The following HCN4 variants were observed in gnomAD, a reference collection of about 807,000 sequenced individuals.
The protein encoded by HCN4 is potassium/sodium hyperpolarization-activated cyclic nucleotide-gated channel 4.
Under a neutral mutation model 76.9 loss-of-function variants are expected in HCN4, and 29 were observed. That is an observed-to-expected ratio of 0.38 (90% CI 0.28 to 0.51). The LOEUF (loss-of-function observed/expected upper bound fraction) is 0.51. HCN4 is among the 20% of genes least tolerant of loss of function. The pLI is 0.90. For synonymous variants in HCN4, 772 were observed against 762.5 expected (o/e 1.01, Z -0.21); for missense variants, 1,416 against 1,715.2 (o/e 0.83, Z 3.08).
intron 1 of HCN4, among the ~76,000 whole-genome samples, chr15:73,362,425 C>T (rs760936295): frequency 5.9e-5 from 9 of 152,224 alleles, no homozygotes; most frequent in Non-Finnish European, 1.0e-4. Context: ...AATCTTTGGG[C>T]GCTTAATGAG....
At chr15:73,341,672 AAGAGGGCT>A (rs1388038257) in intron 2 of HCN4, among the ~76,000 whole-genome samples, 4 of 152,222 alleles carry the variant, frequency 2.6e-5, no homozygotes, top group Non-Finnish European at 4.4e-5. Flanking sequence ...GCTGGGGGCC[AAGAGGGCT>A]AGCTGGATTC....
chr15:73,329,831 G>A lies in HCN4; in HGVS notation c.1372-40C>T, dbSNP rs201568266. 5.0e-5 allele frequency: 78 copies of A among 1,546,818 alleles called. No homozygotes were observed. The Admixed American group carries it at 1.1e-3, about 22-fold the overall frequency. ...ATGGGTGGGGACAGTGGATGAGAGG[G>A]AAGGCCCTTCTCACTAGCAAGAAAA... On this transcript the variant is annotated intron_variant, in intron 3 of 7. Transcript: ENST00000261917.
rs898898003 is a variant in HCN4, at chr15:73,367,067, C to T, written c.785+419G>A. 5.3e-5 allele frequency among the ~76,000 whole-genome samples: 8 copies of T among 152,182 alleles called. No individual in the cohort carries two copies. The highest frequency in any genetic ancestry group is 7.3e-5 in the Non-Finnish European group (5 of 68,040). On this transcript the variant is annotated intron_variant, in intron 1 of 7. Transcript: ENST00000261917. This position sits in a 1 kb window ranked among gnomAD's most constrained non-coding sequence, Gnocchi z 7.5. ...GCTGTCAGCACCCAAGGAGCTGGCC[C>T]GTTGCTAAGAGGTCTGTCTCTCTTC...
rs481579 is a variant in HCN4, at chr15:73,324,294, T to C, written c.1979-41A>G. The C allele has an allele frequency of 0.9, 1,454,347 of 1,607,054 alleles. 664,348 individuals carry two copies. Among genetic ancestry groups the C allele is most frequent in the Non-Finnish European group, 0.94 (1,101,109 of 1,176,914 alleles). On this transcript the variant is annotated intron_variant, in intron 6 of 7. Coordinates refer to ENST00000261917, the MANE Select transcript of HCN4 (RefSeq NM_005477.3). The stretch of plus-strand genomic sequence containing the variant: ...GACTCAGGATGAGGCATGCACAGCC[T>C]GCCCAGGCCAGGGGGACTGCCCACC...
At chr15:73,365,513 T>C (rs2043124334) in intron 1 of HCN4, among the ~76,000 whole-genome samples, 1 of 152,082 alleles carries the variant, frequency 6.6e-6, no homozygotes, top group African/African-American at 2.4e-5. Flanking sequence ...CAGCCTGCAG[T>C]TAGTGGGAGA....
intron 3 of HCN4, among the ~76,000 whole-genome samples, chr15:73,331,696 C>T (rs372016662): frequency 1.4e-4 from 22 of 152,272 alleles, no homozygotes; most frequent in South Asian, 6.2e-4. Flanking sequence ...CCCCCTGCCT[C>T]GGCCTCCTAA....
At position 73,343,258 on chromosome 15, in the gene HCN4, C is replaced by T. The variant is rs938473530; in HGVS notation, c.1209+127G>A. The T allele has an allele frequency of 9.3e-6, 8 of 861,120 alleles. No homozygotes were observed. The African/African-American group carries it at 1.3e-4, about 14-fold the overall frequency. The allele number at this position is 861,120 out of a possible 1,614,324, so 53.3% of individuals were successfully genotyped here. On this transcript the variant is annotated intron_variant, in intron 2 of 7. Coordinates refer to ENST00000261917, the MANE Select transcript of HCN4 (RefSeq NM_005477.3). This position sits in a 1 kb window ranked among gnomAD's most constrained non-coding sequence, Gnocchi z 5.7. ...GGTCAAGAACTTACTAGTATTTGTC[C>T]TCTTGGAGCAGGTGTGCCTGCCACA...
chr15:73,351,504 T>C (rs1360624032), intron 1 of HCN4, among the ~76,000 whole-genome samples: 4 of 152,150 alleles, frequency 2.6e-5, no homozygotes, highest in Non-Finnish European at 5.9e-5. Context: ...TCCAAAAGTA[T>C]ATCCCAGAAA....
chr15:73,352,085 G>C (rs1567791870), intron 1 of HCN4, among the ~76,000 whole-genome samples: 1 of 152,226 alleles, frequency 6.6e-6, no homozygotes, highest in Admixed American at 6.5e-5. Context: ...TACTTATCAT[G>C]TTATAAGAAA....
At chr15:73,366,975 G>GTGACT (rs1480056907) in intron 1 of HCN4, among the ~76,000 whole-genome samples, 2 of 152,224 alleles carry the variant, frequency 1.3e-5, no homozygotes, top group African/African-American at 4.8e-5. Context: ...TGAGGCCCCA[G>GTGACT]TGACTTCGGT....
At chr15:73,344,722 G>A (rs2043022483) in intron 1 of HCN4, among the ~76,000 whole-genome samples, 1 of 152,166 alleles carries the variant, frequency 6.6e-6, no homozygotes, top group South Asian at 2.1e-4. Flanking sequence ...GAGAAGTTGA[G>A]CAGCATGAGG....
chr15:73,348,138 C>T (rs910381500), intron 1 of HCN4, among the ~76,000 whole-genome samples: 1 of 152,196 alleles, frequency 6.6e-6, no homozygotes, highest in African/African-American at 2.4e-5. Flanking sequence ...TTCATAGCCT[C>T]AAGGGAGCTG....
At chr15:73,361,699 G>T (rs1344514003) in intron 1 of HCN4, among the ~76,000 whole-genome samples, 1 of 152,204 alleles carries the variant, frequency 6.6e-6, no homozygotes, top group Admixed American at 6.5e-5. Context: ...TATGACACTT[G>T]TCAGCCCCAT....
Position 73,321,847 on chromosome 15 carries a change from G to A in HCN4, c.*634C>T, listed in dbSNP as rs138059941. 3.2e-3 allele frequency: 508 copies of A among 156,908 alleles called. 1 individual carries two copies. The highest frequency in any genetic ancestry group is 0.014 in the South Asian group (69 of 5,068). The allele number at this position is 156,908 out of a possible 1,614,324, so 9.7% of individuals were successfully genotyped here. On this transcript the variant is annotated 3_prime_UTR_variant, in exon 8 of 8. Coordinates refer to ENST00000261917, the MANE Select transcript of HCN4 (RefSeq NM_005477.3). ...CATGGGATTAAACTAGACCGCACAC[G>A]TGTGCGCACATGTGAGTGGCTATCT...
In HCN4 at chr15:73,341,738, C is replaced by T. The variant is rs759279792; in HGVS notation, c.1209+1647G>A. Among the ~76,000 whole-genome samples, 8 of 152,214 alleles carry T rather than the reference C, an allele frequency of 5.3e-5. No homozygotes were observed. In the South Asian group the frequency reaches 8.3e-4, roughly 16 times the overall value. On this transcript the variant is annotated intron_variant, in intron 2 of 7. Coordinates refer to ENST00000261917, the MANE Select transcript of HCN4 (RefSeq NM_005477.3). Reference sequence around the variant, plus strand: ...TAACTGCATGACCTTGGGAGAGTCACGGCCCCTCTCTGTCAGCATAAGTAA... The same window carrying T: ...TAACTGCATGACCTTGGGAGAGTCATGGCCCCTCTCTGTCAGCATAAGTAA...
intron 1 of HCN4, among the ~76,000 whole-genome samples, chr15:73,348,407 C>G (rs369944294): frequency 1.3e-5 from 2 of 152,228 alleles, no homozygotes; most frequent in African/African-American, 2.4e-5. Context: ...CGTGCACACA[C>G]GCACACACAC....
Position 73,322,348 on chromosome 15 carries a change from CTTT to C in HCN4, c.*130_*132del. On this transcript the variant is annotated 3_prime_UTR_variant, in exon 8 of 8. Coordinates refer to ENST00000261917, the MANE Select transcript of HCN4 (RefSeq NM_005477.3). ...AGAATACCTGGTTATTTTCTGCTGTCTTTTGTTTTTCTGGTGTGTGTGGTTTTT... is the reference window on the plus strand; with the variant it reads ...AGAATACCTGGTTATTTTCTGCTGTCTGTTTTTCTGGTGTGTGTGGTTTTT... 3.7e-6 allele frequency: 3 copies of C among 802,408 alleles called. No homozygotes were observed. 49.7% of individuals were successfully genotyped at this position (802,408 alleles called of 1,614,324 possible). A position where few individuals can be genotyped will look rare whatever the true frequency, so the allele number is the denominator to read the frequency against.
At position 73,322,349 on chromosome 15, in the gene HCN4, TTTTG is replaced by T; in HGVS notation, c.*128_*131del. On this transcript the variant is annotated 3_prime_UTR_variant, in exon 8 of 8. Coordinates refer to ENST00000261917, the MANE Select transcript of HCN4 (RefSeq NM_005477.3). ...GAATACCTGGTTATTTTCTGCTGTCTTTTGTTTTTCTGGTGTGTGTGGTTTTTTA... is the reference window on the plus strand; with the variant it reads ...GAATACCTGGTTATTTTCTGCTGTCTTTTTTCTGGTGTGTGTGGTTTTTTA... 2.4e-6 allele frequency: 2 copies of T among 838,394 alleles called. No homozygotes were observed. Among genetic ancestry groups the T allele is most frequent in the Non-Finnish European group, 3.9e-6 (2 of 510,524 alleles). 51.9% of individuals were successfully genotyped at this position (838,394 alleles called of 1,614,324 possible).
intron 1 of HCN4, among the ~76,000 whole-genome samples, chr15:73,345,431 C>T (rs11857639): frequency 0.067 from 10,161 of 152,250 alleles, 466 homozygotes; most frequent in South Asian, 0.1. Flanking sequence ...CCATGACCCA[C>T]CACTCCTTCC....
Sources: gnomAD v4.1 joint callset for allele counts (sites outside exome capture counted in the v4.1 genomes callset) on GRCh38, gnomAD v4.1.1 for gene constraint, Gnocchi (gnomAD v3.1) non-coding constraint, MANE v1.5 for transcripts, NCBI Gene and HGNC (gene_info 2026-07-23, HGNC 2026-07-21) for gene names.